Variants in ATP5F1C observed in about 807,000 individuals in gnomAD.
ATP5F1C encodes the protein ATP synthase F1 subunit gamma.
Under a neutral mutation model 37.4 loss-of-function variants are expected in ATP5F1C, and 22 were observed. The ratio of observed to expected loss-of-function variants is 0.59; its 90% CI spans 0.42 to 0.84. The LOEUF (loss-of-function observed/expected upper bound fraction) is 0.84, where lower values mean the gene tolerates loss of function less well. ATP5F1C is among the 40% of genes least tolerant of loss of function. The pLI is 0.00. For missense variants in ATP5F1C, 286 were observed against 362.4 expected (o/e 0.79, Z 1.71); for synonymous variants, 121 against 128.0 (o/e 0.95, Z 0.37).
Position 7,807,702 on chromosome 10 carries a change from C to G in ATP5F1C, c.*74C>G. ...GCCAGTTGATTTTGTTTTTAGCTTACTGCTGCCTTTGTCCGAAGAAACTGT... is the reference window on the plus strand; with the variant it reads ...GCCAGTTGATTTTGTTTTTAGCTTAGTGCTGCCTTTGTCCGAAGAAACTGT... On this transcript the variant is annotated 3_prime_UTR_variant, in exon 10 of 10. Transcript: ENST00000356708. 1.2e-6 allele frequency: 2 copies of G among 1,600,680 alleles called. No individual in the cohort carries two copies. Among genetic ancestry groups the G allele is most frequent in the Non-Finnish European group, 1.7e-6 (2 of 1,172,210 alleles).
intron 8 of ATP5F1C, among the ~76,000 whole-genome samples, chr10:7,804,890 AG>A (rs1836443018): frequency 2.0e-5 from 3 of 152,236 alleles, no homozygotes; most frequent in Admixed American, 2.0e-4. Flanking sequence ...CACTATTTAA[AG>A]TGTTCCTTAA....
intron 8 of ATP5F1C, among the ~76,000 whole-genome samples, chr10:7,803,894 G>C (rs1836423640): frequency 1.3e-5 from 2 of 152,130 alleles, no homozygotes; most frequent in South Asian, 4.1e-4. Context: ...ACTATCTCTT[G>C]AATCTTCCCC....
intron 1 of ATP5F1C, among the ~76,000 whole-genome samples, chr10:7,791,051 C>T (rs1163993271): frequency 6.6e-6 from 1 of 152,108 alleles, no homozygotes; most frequent in Non-Finnish European, 1.5e-5. Context: ...TCTGTAATCC[C>T]AGCATTTTGA....
At chr10:7,792,510 C>T (rs1018643486) in intron 1 of ATP5F1C, among the ~76,000 whole-genome samples, 4 of 152,172 alleles carry the variant, frequency 2.6e-5, no homozygotes, top group African/African-American at 9.7e-5. Flanking sequence ...CTAAAAATCC[C>T]TCCTCTACTC....
At chr10:7,789,288 A>G (rs1588494395) in intron 1 of ATP5F1C, among the ~76,000 whole-genome samples, 2 of 152,216 alleles carry the variant, frequency 1.3e-5, no homozygotes, top group African/African-American at 2.4e-5. Context: ...AGATTTTCGT[A>G]TCCTAATTTA....
intron 1 of ATP5F1C, among the ~76,000 whole-genome samples, chr10:7,791,366 T>C (rs531762420): frequency 1.3e-5 from 2 of 152,332 alleles, no homozygotes; most frequent in East Asian, 3.9e-4. Context: ...AGTCAGTTTT[T>C]GCTGGTGGCA....
intron 5 of ATP5F1C, 47 bp from the exon 6 acceptor site, chr10:7,799,980 A>C (rs753772790): frequency 1.2e-6 from 2 of 1,606,812 alleles, no homozygotes; most frequent in African/African-American, 2.7e-5. Flanking sequence ...TTGAAATAAC[A>C]GTTTAAAAAT....
intron 3 of ATP5F1C, among the ~76,000 whole-genome samples, chr10:7,798,630 T>G (rs1276812768): frequency 6.6e-6 from 1 of 152,184 alleles, no homozygotes; most frequent in Non-Finnish European, 1.5e-5. Context: ...TATCGTGACC[T>G]TGTGATCCGC....
chr10:7,803,744 T>C (rs1435741265), intron 8 of ATP5F1C, among the ~76,000 whole-genome samples: 1 of 152,244 alleles, frequency 6.6e-6, no homozygotes, highest in African/African-American at 2.4e-5. Flanking sequence ...TGATTCTCTC[T>C]TTTAAGGCAC....
chr10:7,805,746 C>CAAAA (rs547312025), intron 8 of ATP5F1C, among the ~76,000 whole-genome samples: 58 of 89,768 alleles, frequency 6.5e-4, no homozygotes, highest in Non-Finnish European at 7.6e-4. Context: ...GACTCCTTCT[C>CAAAA]AAAAAAAAAA....
chr10:7,796,063 T>G lies in ATP5F1C; in HGVS notation c.57-58T>G, dbSNP rs1029238172. ...AATATATATTAACTGAAAGTTTTTC[T>G]TGTATAATGGAACTATTTTTCAAAA... On this transcript the variant is annotated intron_variant, in intron 1 of 9. Transcript: ENST00000356708. The G allele has an allele frequency of 2.4e-5, 32 of 1,352,824 alleles. No homozygotes were observed. The East Asian group carries it at 7.2e-4, about 31-fold the overall frequency. 83.8% of individuals were successfully genotyped at this position (1,352,824 alleles called of 1,614,324 possible).
rs1299849702 is a variant in ATP5F1C at position 7,796,945 on chromosome 10, C to A, written c.92-102C>A. 8.8e-6 allele frequency: 11 copies of A among 1,254,720 alleles called. No individual in the cohort carries two copies. The African/African-American group carries it at 1.2e-4, about 14-fold the overall frequency. 77.7% of individuals were successfully genotyped at this position (1,254,720 alleles called of 1,614,324 possible). On this transcript the variant is annotated intron_variant, in intron 2 of 9. Coordinates refer to ENST00000356708, the MANE Select transcript of ATP5F1C (RefSeq NM_001001973.3). ...TCGTGCTGTTTATTGTTTATCTAAGCGCTCATTATTCTGCCTTGCACTTCA... is the reference window on the plus strand; with the variant it reads ...TCGTGCTGTTTATTGTTTATCTAAGAGCTCATTATTCTGCCTTGCACTTCA...
At position 7,806,913 on chromosome 10, in the gene ATP5F1C, A is replaced by G. The variant is rs1375523892; in HGVS notation, c.891-61A>G. On this transcript the variant is annotated intron_variant, in intron 8 of 9. Coordinates refer to ENST00000356708, the MANE Select transcript of ATP5F1C (RefSeq NM_001001973.3). ...TGGAAAGCATATGTGATTAACTAGC[A>G]TGGATTGCTTCTTGACCTGCTTGTT... 51 of 1,441,908 alleles carry G rather than the reference A, an allele frequency of 3.5e-5. No homozygotes were observed. The Admixed American group carries it at 8.6e-4, about 24-fold the overall frequency. The allele number at this position is 1,441,908 out of a possible 1,614,324, so 89.3% of individuals were successfully genotyped here.
At chr10:7,789,986 T>G (rs1836136862) in intron 1 of ATP5F1C, among the ~76,000 whole-genome samples, 1 of 152,242 alleles carries the variant, frequency 6.6e-6, no homozygotes, top group Non-Finnish European at 1.5e-5. Context: ...AATATTGGTT[T>G]TATAAATCAT....
chr10:7,805,590 A>G (rs1472050336), intron 8 of ATP5F1C, among the ~76,000 whole-genome samples: 1 of 151,912 alleles, frequency 6.6e-6, no homozygotes, highest in Non-Finnish European at 1.5e-5. Flanking sequence ...TACTAAAAAT[A>G]CAAAAAATTA....
At chr10:7,794,463 C>CCTAG (rs1324798214) in intron 1 of ATP5F1C, among the ~76,000 whole-genome samples, 1 of 150,666 alleles carries the variant, frequency 6.6e-6, no homozygotes, top group Non-Finnish European at 1.5e-5. Context: ...GGGGAAAGCT[C>CCTAG]CTAGCCTCTC....
intron 1 of ATP5F1C, among the ~76,000 whole-genome samples, chr10:7,795,370 G>C (rs983487044): frequency 1.3e-5 from 2 of 152,138 alleles, no homozygotes; most frequent in African/African-American, 2.4e-5. Context: ...AAGGCAGAAA[G>C]ATCATCTAAT....
In ATP5F1C at chr10:7,807,733, CATT is replaced by C; in HGVS notation, c.*109_*111del. ...CCTTTGTCCGAAGAAACTGTTCCTC[CATT>C]ATTTGAATTACTGAAGACAGCAAGA... On this transcript the variant is annotated 3_prime_UTR_variant, in exon 10 of 10. Transcript: ENST00000356708. The C allele has an allele frequency of 1.3e-6, 2 of 1,526,986 alleles. No individual in the cohort carries two copies. The highest frequency in any genetic ancestry group is 3.5e-4 in the Middle Eastern group (2 of 5,734). The allele number at this position is 1,526,986 out of a possible 1,614,324, so 94.6% of individuals were successfully genotyped here. A position where few individuals can be genotyped will look rare whatever the true frequency, so the allele number is the denominator to read the frequency against.
intron 9 of ATP5F1C, among the ~76,000 whole-genome samples, chr10:7,807,304 G>A (rs982282672): frequency 1.3e-5 from 2 of 152,096 alleles, no homozygotes; most frequent in Non-Finnish European, 2.9e-5. Context: ...CACACTTTAT[G>A]GTCTCTGGAC....
Sources: gnomAD v4.1 joint callset for allele counts (sites outside exome capture counted in the v4.1 genomes callset) on GRCh38, gnomAD v4.1.1 for gene constraint, MANE v1.5 for transcripts, NCBI Gene and HGNC (gene_info 2026-07-23, HGNC 2026-07-21) for gene names.